The following MTSS2 variants were observed in gnomAD, a reference collection of about 807,000 sequenced individuals.
MTSS2 encodes the protein protein MTSS 2.
In MTSS2, 27 loss-of-function variants were observed where a neutral mutation model predicts 67.1. That is an observed-to-expected ratio of 0.40 (90% CI 0.30 to 0.55). The LOEUF is 0.55. MTSS2 is among the 20% of genes least tolerant of loss of function. The probability of loss-of-function intolerance (pLI) is 0.43; values close to 1 mark genes in which losing one functional copy is unlikely to be tolerated. For missense variants in MTSS2, 1,171 were observed against 1,067.8 expected (o/e 1.10, Z -1.35); for synonymous variants, 624 against 468.6 (o/e 1.33, Z -4.28).
rs759221416 is a variant in MTSS2, at chr16:70,685,831, G to C, written c.-40C>G. ...GGGCCGCGGCGGCGGCTAGGCGCAC[G>C]GAGCGCGGGGAGCAGCGCAAGGGAG... On this transcript the variant is annotated 5_prime_UTR_variant, in exon 1 of 15. Transcript: ENST00000338779. 11 of 1,195,954 alleles carry C rather than the reference G, an allele frequency of 9.2e-6. No homozygotes were observed. The highest frequency in any genetic ancestry group is 5.6e-5 in the East Asian group (1 of 17,838). 74.1% of individuals were successfully genotyped at this position (1,195,954 alleles called of 1,614,324 possible).
In MTSS2 at chr16:70,663,468, C is replaced by G. The variant is rs1041058665; in HGVS notation, c.*209G>C. ...AACAGACCCCGAACCAGGCCCAGGC[C>G]TGCAGGCTCCGTCCTGGCCAGGCTT... On this transcript the variant is annotated 3_prime_UTR_variant, in exon 15 of 15. Coordinates refer to ENST00000338779, the MANE Select transcript of MTSS2 (RefSeq NM_138383.3). The G allele has an allele frequency of 2.1e-6, 2 of 948,600 alleles. No homozygotes were observed. The highest frequency in any genetic ancestry group is 5.8e-5 in the East Asian group (2 of 34,558). 58.8% of individuals were successfully genotyped at this position (948,600 alleles called of 1,614,324 possible).
chr16:70,668,068 CAAA>C (rs199694980), intron 11 of MTSS2, among the ~76,000 whole-genome samples: 1 of 146,996 alleles, frequency 6.8e-6, no homozygotes, highest in African/African-American at 2.5e-5. Flanking sequence ...AAAGCGGTAC[CAAA>C]AAAAAATAAC....
At position 70,674,475 on chromosome 16, in the gene MTSS2, C is replaced by T. The variant is rs760997239; in HGVS notation, c.884G>A (p.Gly295Asp). Residue 295 changes from glycine to aspartate, a missense_variant, in exon 11 of 15, where the codon GGT (glycine) becomes GAT (aspartate). Gly to Asp is a moderately conservative substitution (Grantham distance 94). Coordinates refer to ENST00000338779, the MANE Select transcript of MTSS2 (RefSeq NM_138383.3). Reference sequence around the variant, plus strand: ...GGAACTGGGTGAGTATGTTTGGGCACCCCCAGGCCATGGGGCTCCGCCACC... The same window carrying T: ...GGAACTGGGTGAGTATGTTTGGGCATCCCCAGGCCATGGGGCTCCGCCACC... ...AKGGGAPWPG[G>D]AQTYSPSSTC... 1.4e-5 allele frequency: 22 copies of T among 1,613,912 alleles called. No individual in the cohort carries two copies. The South Asian group carries it at 2.2e-4, about 16-fold the overall frequency.
intron 1 of MTSS2, among the ~76,000 whole-genome samples, chr16:70,684,549 G>C (rs1239470197): frequency 6.6e-6 from 1 of 152,198 alleles, no homozygotes; most frequent in African/African-American, 2.4e-5. Flanking sequence ...GCCTGTCCTA[G>C]CAGCACTGTA....
chr16:70,679,433 C>T, intron 6 of MTSS2, 110 bp from the exon 7 acceptor site: 2 of 1,393,938 alleles, frequency 1.4e-6, no homozygotes, highest in Non-Finnish European at 2.0e-6. Context: ...GGGCCTCCTG[C>T]TGCCTCCCAT....
Position 70,665,658 on chromosome 16 carries a change from G to A in MTSS2, c.1054-118C>T, listed in dbSNP as rs577527292. On this transcript the variant is annotated intron_variant, in intron 11 of 14. Transcript: ENST00000338779. The stretch of plus-strand genomic sequence containing the variant: ...ATGCAGGGGGGCGGTTCAATTCAGC[G>A]CCTTGCCCAGCACCCACCCCCCCTA... 651 of 812,568 alleles carry A rather than the reference G, an allele frequency of 8.0e-4. 2 individuals are homozygous for A. The highest frequency in any genetic ancestry group is 1.0e-3 in the Non-Finnish European group (518 of 517,882). 50.3% of individuals were successfully genotyped at this position (812,568 alleles called of 1,614,324 possible). A position where few individuals can be genotyped will look rare whatever the true frequency, so the allele number is the denominator to read the frequency against.
rs771012853 is a variant in MTSS2 at position 70,664,337 on chromosome 16, G to A, written c.1584C>T (p.Arg528=). Residue 528 remains arginine, a synonymous_variant, in exon 15 of 15, where the codon CGC becomes CGT. Transcript: ENST00000338779. ...CTGGGCGCTTGGTCTGGATCAGGCG[G>A]CGGTAGTTCTGGGCGATGTTGCTGT... ...PRNSNIAQNY[R]RLIQTKRPAS... The A allele has an allele frequency of 6.3e-7, 1 of 1,598,512 alleles. No individual in the cohort carries two copies. Among genetic ancestry groups the A allele is most frequent in the Non-Finnish European group, 8.5e-7 (1 of 1,174,528 alleles).
At chr16:70,667,978 T>TG (rs978240834) in intron 11 of MTSS2, among the ~76,000 whole-genome samples, 3 of 150,068 alleles carry the variant, frequency 2.0e-5, no homozygotes, top group African/African-American at 7.3e-5. Context: ...TCCCAGGAGT[T>TG]TTTTTTTTTT....
In MTSS2 at chr16:70,680,941, TG is replaced by T. The variant is rs1227208945; in HGVS notation, c.131+22del. 5 of 1,589,716 alleles carry T rather than the reference TG, an allele frequency of 3.1e-6. No homozygotes were observed. The South Asian group carries it at 5.7e-5, about 18-fold the overall frequency. On this transcript the variant is annotated intron_variant, in intron 2 of 14. Transcript: ENST00000338779. ...GGGCCTCTGCCTGCCCCTCCCCTGC[TG>T]GGGTGCCCTGGGCCACCTCACCTCA...
rs190582557 is a variant in MTSS2, at chr16:70,666,028, G to A, written c.1054-488C>T. Among the ~76,000 whole-genome samples, 622 of 152,328 alleles carry A rather than the reference G, an allele frequency of 4.1e-3. 3 individuals carry two copies. Among genetic ancestry groups the A allele is most frequent in the Non-Finnish European group, 6.2e-3 (420 of 68,030 alleles). On this transcript the variant is annotated intron_variant, in intron 11 of 14. Coordinates refer to ENST00000338779, the MANE Select transcript of MTSS2 (RefSeq NM_138383.3). ...GTCGTATTCATAAGCTGAGTGCAGG[G>A]AGAAGTTGGGGTTGGAGCCATCAGT...
chr16:70,679,268 G>T, intron 7 of MTSS2, 47 bp downstream of exon 7: 1 of 1,610,828 alleles, frequency 6.2e-7, no homozygotes, highest in Non-Finnish European at 8.5e-7. Flanking sequence ...ACAGACAAAT[G>T]CGACAAGGAC....
rs979008345 is a variant in MTSS2, at chr16:70,663,342, G to C, written c.*335C>G. ...GGCCGGGATGGTGAAAGGGAGGCCAGCCTGGCCCCTCTGTCATGGGCAGCG... is the reference window on the plus strand; with the variant it reads ...GGCCGGGATGGTGAAAGGGAGGCCACCCTGGCCCCTCTGTCATGGGCAGCG... On this transcript the variant is annotated 3_prime_UTR_variant, in exon 15 of 15. Coordinates refer to ENST00000338779, the MANE Select transcript of MTSS2 (RefSeq NM_138383.3). The C allele has an allele frequency of 3.1e-6, 1 of 326,904 alleles. No individual in the cohort carries two copies. The highest frequency in any genetic ancestry group is 2.2e-5 in the African/African-American group (1 of 45,866). 20.3% of individuals were successfully genotyped at this position (326,904 alleles called of 1,614,324 possible). A position where few individuals can be genotyped will look rare whatever the true frequency, so the allele number is the denominator to read the frequency against.
intron 10 of MTSS2, among the ~76,000 whole-genome samples, chr16:70,674,762 G>C (rs1019204282): frequency 4.6e-5 from 7 of 152,218 alleles, no homozygotes; most frequent in Non-Finnish European, 8.8e-5. Flanking sequence ...GAGGGGAGCC[G>C]TGGTCAGGGA....
rs1017041175 is a variant in MTSS2, at chr16:70,661,615, T to C, written c.*2062A>G. 2.9e-6 allele frequency: 1 copy of C among 342,956 alleles called. No individual in the cohort carries two copies. Among genetic ancestry groups the C allele is most frequent in the African/African-American group, 2.2e-5 (1 of 45,966 alleles). 21.2% of individuals were successfully genotyped at this position (342,956 alleles called of 1,614,324 possible). ...TCCCGAGGTGGGTGGGCCTATGAGG[T>C]GGTTGCTAAGTCGACGCAAGGGCGG... On this transcript the variant is annotated 3_prime_UTR_variant, in exon 15 of 15. Coordinates refer to ENST00000338779, the MANE Select transcript of MTSS2 (RefSeq NM_138383.3).
chr16:70,661,739 C>G lies in MTSS2; in HGVS notation c.*1938G>C. 4.7e-6 allele frequency: 1 copy of G among 212,488 alleles called. No individual in the cohort carries two copies. Among genetic ancestry groups the G allele is most frequent in the South Asian group, 6.7e-5 (1 of 14,876 alleles). 13.2% of individuals were successfully genotyped at this position (212,488 alleles called of 1,614,324 possible). On this transcript the variant is annotated 3_prime_UTR_variant, in exon 15 of 15. Transcript: ENST00000338779. Reference sequence around the variant, plus strand: ...GACGGCGGAGTCGGTGGGGGCTGTGCCACACGAGCCCCCCTCTCTGGGTAG... The same window carrying G: ...GACGGCGGAGTCGGTGGGGGCTGTGGCACACGAGCCCCCCTCTCTGGGTAG...
chr16:70,679,198 G>A (rs1347243402), intron 7 of MTSS2, 117 bp downstream of exon 7: 19 of 1,355,772 alleles, frequency 1.4e-5, no homozygotes, highest in South Asian at 7.2e-5. Context: ...TGGACCGACC[G>A]CCTTCCTCGC....
chr16:70,684,623 C>T (rs1038261763), intron 1 of MTSS2, among the ~76,000 whole-genome samples: 3 of 152,074 alleles, frequency 2.0e-5, no homozygotes, highest in African/African-American at 7.2e-5. Context: ...GGAGAATCTG[C>T]GCTGGGCTGT....
At chr16:70,664,549 T>G in intron 14 of MTSS2, 49 bp downstream of exon 14, 1 of 1,596,458 alleles carries the variant, frequency 6.3e-7, no homozygotes, top group Non-Finnish European at 8.6e-7. Context: ...CCCTCCTGGA[T>G]GGCTAAGTCC....
At chr16:70,674,564 C>A in intron 10 of MTSS2, 36 bp from the exon 11 acceptor site, 1 of 1,583,730 alleles carries the variant, frequency 6.3e-7, no homozygotes, top group Non-Finnish European at 8.6e-7. Context: ...AGCAGCCAGA[C>A]AGGGAGACAG....
Sources: allele counts gnomAD v4.1 joint callset (sites outside exome capture counted in the v4.1 genomes callset), GRCh38; gene constraint gnomAD v4.1.1; transcripts MANE v1.5; gene names NCBI Gene and HGNC (gene_info 2026-07-23, HGNC 2026-07-21).